The following ARHGAP24 variants were observed in gnomAD, a reference collection of about 807,000 sequenced individuals.
ARHGAP24 encodes rho GTPase-activating protein 24.
Under a neutral mutation model 76.4 loss-of-function variants are expected in ARHGAP24, and 50 were observed. The observed-to-expected ratio is 0.65, with a 90% CI of 0.52 to 0.83. The LOEUF (loss-of-function observed/expected upper bound fraction) is 0.83. ARHGAP24 is among the 40% of genes least tolerant of loss of function. The pLI is 0.00. For missense variants in ARHGAP24, 930 were observed against 914.2 expected (o/e 1.02, Z -0.22); for synonymous variants, 345 against 323.3 (o/e 1.07, Z -0.72).
chr4:85,631,601 A>G (rs1275125348), intron 2 of ARHGAP24, among the ~76,000 whole-genome samples: 1 of 152,156 alleles, frequency 6.6e-6, no homozygotes, highest in Non-Finnish European at 1.5e-5. Context: ...CACGTTTTAA[A>G]TAGATTCAAT....
chr4:85,937,053 G>A (rs1054424160), intron 4 of ARHGAP24, among the ~76,000 whole-genome samples: 1 of 152,130 alleles, frequency 6.6e-6, no homozygotes, highest in African/African-American at 2.4e-5. Flanking sequence ...CAAGCCAGTG[G>A]GCACCATTGG....
intron 1 of ARHGAP24, among the ~76,000 whole-genome samples, chr4:85,489,922 C>T (rs185102614): frequency 3.3e-4 from 50 of 152,024 alleles, no homozygotes; most frequent in Non-Finnish European, 4.4e-4. Context: ...TTTGATGTAA[C>T]GAAGATTTTC....
intron 3 of ARHGAP24, among the ~76,000 whole-genome samples, chr4:85,831,135 A>G (rs923442161): frequency 6.6e-6 from 1 of 152,168 alleles, no homozygotes; most frequent in Non-Finnish European, 1.5e-5. Flanking sequence ...TCGGATTCTA[A>G]TATCTACCTA....
At chr4:85,980,405 T>G (rs1739587682) in intron 8 of ARHGAP24, among the ~76,000 whole-genome samples, 1 of 152,212 alleles carries the variant, frequency 6.6e-6, no homozygotes, top group South Asian at 2.1e-4. Flanking sequence ...AATCCTGGTT[T>G]GCAAAGACAC....
chr4:85,627,226 G>C (rs189760145), intron 2 of ARHGAP24, among the ~76,000 whole-genome samples: 1 of 152,220 alleles, frequency 6.6e-6, no homozygotes, highest in East Asian at 1.9e-4. Context: ...GGTCTTTGAT[G>C]ATGGTGACGT....
intron 2 of ARHGAP24, among the ~76,000 whole-genome samples, chr4:85,581,179 T>C (rs748140118): frequency 9.2e-5 from 14 of 152,146 alleles, no homozygotes; most frequent in Non-Finnish European, 1.8e-4. Flanking sequence ...ATGATTTTAA[T>C]ATTTTAAAAT....
chr4:85,635,724 T>TA (rs578083399), intron 2 of ARHGAP24, among the ~76,000 whole-genome samples: 15 of 152,006 alleles, frequency 9.9e-5, no homozygotes, highest in East Asian at 9.7e-4. Context: ...TATTTTATTT[T>TA]AAAAAAATCT....
At chr4:85,636,230 C>A (rs1181505624) in intron 2 of ARHGAP24, among the ~76,000 whole-genome samples, 1 of 151,504 alleles carries the variant, frequency 6.6e-6, no homozygotes, top group African/African-American at 2.4e-5. Flanking sequence ...TCTCATATTT[C>A]TTTCCTAACT....
intron 3 of ARHGAP24, among the ~76,000 whole-genome samples, chr4:85,740,780 A>T (rs1458205601): frequency 6.6e-6 from 1 of 152,180 alleles, no homozygotes; most frequent in Non-Finnish European, 1.5e-5. Flanking sequence ...CCATGAAACA[A>T]GCTCTTCCTT....
chr4:85,770,951 A>G (rs1727109819), intron 3 of ARHGAP24, among the ~76,000 whole-genome samples: 1 of 152,182 alleles, frequency 6.6e-6, no homozygotes, highest in Admixed American at 6.5e-5. Context: ...ATATTGACTT[A>G]CTAATGGTTA....
At chr4:85,635,374 A>G (rs1269069420) in intron 2 of ARHGAP24, among the ~76,000 whole-genome samples, 1 of 151,728 alleles carries the variant, frequency 6.6e-6, no homozygotes, top group East Asian at 1.9e-4. Flanking sequence ...AAAGGTGTTG[A>G]TTGTTTTTTA....
chr4:85,838,612 A>G (rs1204410508), intron 3 of ARHGAP24, among the ~76,000 whole-genome samples: 1 of 152,250 alleles, frequency 6.6e-6, no homozygotes, highest in East Asian at 1.9e-4. Flanking sequence ...GAAAAAGGCC[A>G]AAATAACTAC....
intron 3 of ARHGAP24, among the ~76,000 whole-genome samples, chr4:85,908,571 A>G (rs1734899348): frequency 6.6e-6 from 1 of 152,222 alleles, no homozygotes; most frequent in Admixed American, 6.5e-5. Flanking sequence ...CAGAGTCCCA[A>G]CTGAAAAAGA....
intron 3 of ARHGAP24, among the ~76,000 whole-genome samples, chr4:85,769,144 T>C (rs1727036640): frequency 6.6e-6 from 1 of 152,240 alleles, no homozygotes. Flanking sequence ...ATTGAATACT[T>C]GATAAAAAGA....
intron 1 of ARHGAP24, among the ~76,000 whole-genome samples, chr4:85,560,916 A>G (rs1486463022): frequency 6.6e-6 from 1 of 152,164 alleles, no homozygotes; most frequent in Non-Finnish European, 1.5e-5. Context: ...TTTGTACAGT[A>G]CTCAGGATCT....
At chr4:85,584,485 A>C (rs1053716656) in intron 2 of ARHGAP24, among the ~76,000 whole-genome samples, 1 of 151,700 alleles carries the variant, frequency 6.6e-6, no homozygotes, top group African/African-American at 2.4e-5. Flanking sequence ...AGATATACCT[A>C]ATGCTAAATG....
At chr4:85,530,691 G>C (rs1725221862) in intron 1 of ARHGAP24, among the ~76,000 whole-genome samples, 1 of 151,962 alleles carries the variant, frequency 6.6e-6, no homozygotes, top group Admixed American at 6.6e-5. Flanking sequence ...ATGCCTCACA[G>C]TTTTCAATAT....
chr4:85,484,248 G>A (rs537352586), intron 1 of ARHGAP24, among the ~76,000 whole-genome samples: 98 of 152,102 alleles, frequency 6.4e-4, no homozygotes, highest in Non-Finnish European at 1.1e-3. Flanking sequence ...CCCTGAGCCC[G>A]GGACTCTAAA....
chr4:85,762,505 C>T (rs1032006738), intron 3 of ARHGAP24, among the ~76,000 whole-genome samples: 1 of 152,150 alleles, frequency 6.6e-6, no homozygotes, highest in Non-Finnish European at 1.5e-5. Flanking sequence ...ATTAACAAAA[C>T]TGCGTTGTTT....
Sources: gnomAD v4.1 joint callset for allele counts (sites outside exome capture counted in the v4.1 genomes callset) on GRCh38, gnomAD v4.1.1 for gene constraint, MANE v1.5 for transcripts, NCBI Gene and HGNC (gene_info 2026-07-23, HGNC 2026-07-21) for gene names.